Variants in FOXJ3 observed in about 807,000 individuals in gnomAD.
The protein encoded by FOXJ3 is forkhead box protein J3.
FOXJ3 carries 22 observed loss-of-function variants against 76.1 expected under a neutral mutation model. The observed-to-expected ratio is 0.29, with a 90% CI of 0.21 to 0.41. FOXJ3 has a LOEUF of 0.41. FOXJ3 is among the 10% of genes least tolerant of loss of function. The pLI is 1.00. For synonymous variants in FOXJ3, 269 were observed against 261.2 expected, an observed-to-expected ratio of 1.03 and a Z score of -0.29; for missense variants, 613 against 762.1, an observed-to-expected ratio of 0.80 and a Z score of 2.30.
upstream of FOXJ3, chr1:42,335,273 G>C (rs1166219900): frequency 6.6e-6 from 1 of 151,414 alleles, no homozygotes; most frequent in Non-Finnish European, 1.5e-5. Flanking sequence ...CGCCGCCACC[G>C]CCTCCTGCGG....
At chr1:42,235,783 G>T (rs181520012) in intron 4 of FOXJ3, among the ~76,000 whole-genome samples, 2 of 152,058 alleles carry the variant, frequency 1.3e-5, no homozygotes, top group Admixed American at 6.5e-5. Flanking sequence ...GGCTGATTTC[G>T]AACTCCTGAC....
chr1:42,308,727 T>C (rs909048510), intron 2 of FOXJ3, among the ~76,000 whole-genome samples: 11 of 152,194 alleles, frequency 7.2e-5, no homozygotes, highest in African/African-American at 2.7e-4. Context: ...TCTAGAATAT[T>C]GTGCAGAGGA....
intron 1 of FOXJ3, 68 bp from the exon 2 acceptor site, chr1:42,311,178 A>G: frequency 2.0e-6 from 2 of 1,014,946 alleles, no homozygotes; most frequent in East Asian, 2.5e-5. Context: ...CTCACTTTAG[A>G]TTTAATTTAA....
At chr1:42,278,107 A>C (rs1367797196) in intron 3 of FOXJ3, among the ~76,000 whole-genome samples, 1 of 152,112 alleles carries the variant, frequency 6.6e-6, no homozygotes, top group African/African-American at 2.4e-5. Context: ...AGTGAACGCT[A>C]CATTATCCCC....
At chr1:42,311,250 T>C in intron 1 of FOXJ3, 140 bp from the exon 2 acceptor site, 1 of 592,382 alleles carries the variant, frequency 1.7e-6, no homozygotes, top group Non-Finnish European at 2.9e-6. Context: ...AATCACCCCA[T>C]CAGAACACAA....
intron 4 of FOXJ3, among the ~76,000 whole-genome samples, chr1:42,260,325 C>G (rs796234294): frequency 6.6e-6 from 1 of 152,066 alleles, no homozygotes; most frequent in Non-Finnish European, 1.5e-5. Context: ...ATAGCCCCCC[C>G]AAAAAGAATA....
chr1:42,286,516 G>T (rs940450341), intron 2 of FOXJ3, among the ~76,000 whole-genome samples: 2 of 152,178 alleles, frequency 1.3e-5, no homozygotes, highest in Non-Finnish European at 2.9e-5. Context: ...AAGGACTGTT[G>T]TAAGATTAAA....
rs149896080 is a variant in FOXJ3 at position 42,296,228 on chromosome 1, G to A, written c.44+14822C>T. 2.4e-3 allele frequency among the ~76,000 whole-genome samples: 358 copies of A among 152,232 alleles called. 10 individuals carry two copies. The East Asian group carries it at 0.06, about 25-fold the overall frequency. Reference sequence around the variant, plus strand: ...ATTAGAGTTCCGTGTAGATTCTGATGTTCATCCTTTCTGAAAGTAATCATT... The same window carrying A: ...ATTAGAGTTCCGTGTAGATTCTGATATTCATCCTTTCTGAAAGTAATCATT... On this transcript the variant is annotated intron_variant, in intron 2 of 12. Transcript: ENST00000361346.
intron 4 of FOXJ3, among the ~76,000 whole-genome samples, chr1:42,256,863 A>G (rs1650632594): frequency 6.6e-6 from 1 of 152,254 alleles, no homozygotes; most frequent in Non-Finnish European, 1.5e-5. Context: ...TCATAGATTC[A>G]TATGATGGAA....
rs77649766 is a variant in FOXJ3, at chr1:42,185,899, C to T, written c.1645+2838G>A. ...TCATGGAGGTGTTTACCAAGCGGGT[C>T]CTTGAAGACAGGAATGACAGGAAAG... On this transcript the variant is annotated intron_variant, in intron 11 of 12. Transcript: ENST00000361346. Among the ~76,000 whole-genome samples, 661 of 152,124 alleles carry T rather than the reference C, an allele frequency of 4.3e-3. 6 individuals carry two copies. The highest frequency in any genetic ancestry group is 0.015 in the African/African-American group (635 of 41,428).
chr1:42,243,840 G>A (rs977068523), intron 4 of FOXJ3, among the ~76,000 whole-genome samples: 6 of 152,142 alleles, frequency 3.9e-5, no homozygotes, highest in Admixed American at 6.5e-5. Flanking sequence ...AACGTCTACC[G>A]AATATTTTAT....
chr1:42,228,555 C>T (rs1647776266), intron 4 of FOXJ3, among the ~76,000 whole-genome samples: 1 of 112,876 alleles, frequency 8.9e-6, no homozygotes, highest in African/African-American at 3.6e-5. Flanking sequence ...TACTCAGAAA[C>T]TGTGACTCTC....
chr1:42,209,943 G>A (rs960991804), intron 5 of FOXJ3, among the ~76,000 whole-genome samples: 6 of 152,222 alleles, frequency 3.9e-5, no homozygotes, highest in African/African-American at 1.4e-4. Flanking sequence ...TTTGCAGGCA[G>A]ACCTGGAGGG....
At chr1:42,321,997 C>T (rs894410256) in intron 1 of FOXJ3, among the ~76,000 whole-genome samples, 2 of 151,996 alleles carry the variant, frequency 1.3e-5, no homozygotes, top group African/African-American at 4.8e-5. Context: ...AACTTGTTAT[C>T]TCCCATAATG....
chr1:42,294,762 CAA>C lies in FOXJ3; in HGVS notation c.45-16092_45-16091del, dbSNP rs5773766. The stretch of plus-strand genomic sequence containing the variant: ...GGGCAACAAGAGCGAAACTTGGTCT[CAA>C]AAAAAAAAAAAAAAGACGCCATGAA... On this transcript the variant is annotated intron_variant, in intron 2 of 12. Transcript: ENST00000361346. Among the ~76,000 whole-genome samples, 957 of 105,662 alleles carry C rather than the reference CAA, an allele frequency of 9.1e-3. 28 individuals are homozygous for C. Among genetic ancestry groups the C allele is most frequent in the African/African-American group, 0.035 (913 of 26,354 alleles). 69.3% of individuals were successfully genotyped at this position (105,662 alleles called of 152,430 possible).
At chr1:42,318,696 T>C (rs529782634) in intron 1 of FOXJ3, among the ~76,000 whole-genome samples, 42 of 152,294 alleles carry the variant, frequency 2.8e-4, no homozygotes, top group African/African-American at 9.9e-4. Context: ...AACATGGCTA[T>C]AATCAAAAAG....
At chr1:42,262,590 T>G (rs1651127758) in intron 4 of FOXJ3, among the ~76,000 whole-genome samples, 1 of 152,236 alleles carries the variant, frequency 6.6e-6, no homozygotes, top group African/African-American at 2.4e-5. Flanking sequence ...AGCTCACGCC[T>G]GTAATCCCAG....
chr1:42,295,681 A>T (rs1653742402), intron 2 of FOXJ3, among the ~76,000 whole-genome samples: 1 of 151,848 alleles, frequency 6.6e-6, no homozygotes, highest in Admixed American at 6.6e-5. Flanking sequence ...GGTGTGCACC[A>T]CCTTGTCTGA....
chr1:42,315,318 G>C (rs535063607), intron 1 of FOXJ3: 1 of 537,798 alleles, frequency 1.9e-6, no homozygotes, highest in South Asian at 8.2e-5. Flanking sequence ...ACTTTAAAAT[G>C]GTGAACTTCA....
Sources: allele counts gnomAD v4.1 joint callset (sites outside exome capture counted in the v4.1 genomes callset), GRCh38; gene constraint gnomAD v4.1.1; transcripts MANE v1.5; gene names NCBI Gene and HGNC (gene_info 2026-07-23, HGNC 2026-07-21).